Variants in INVS observed in about 807,000 individuals in gnomAD.
The protein encoded by INVS is inversin.
Under a neutral mutation model 108.8 loss-of-function variants are expected in INVS, and 86 were observed. That is an observed-to-expected ratio of 0.79 (90% CI 0.66 to 0.95). The LOEUF (loss-of-function observed/expected upper bound fraction) is 0.95. Ranked by LOEUF, INVS falls within the 40% of genes least tolerant of loss-of-function variation. The pLI is 0.00. For missense variants in INVS, 1,169 were observed against 1,297.4 expected, an observed-to-expected ratio of 0.90 and a Z score of 1.52; for synonymous variants, 455 against 473.5, an observed-to-expected ratio of 0.96 and a Z score of 0.51.
chr9:100,149,437 ACT>A (rs1427719529), intron 3 of INVS, among the ~76,000 whole-genome samples: 1 of 152,204 alleles, frequency 6.6e-6, no homozygotes, highest in African/African-American at 2.4e-5. Flanking sequence ...TAGCTAGGCT[ACT>A]TTCTCCAAGC....
intron 8 of INVS, 55 bp from the exon 9 acceptor site, chr9:100,252,228 T>G: frequency 6.5e-7 from 1 of 1,536,480 alleles, no homozygotes; most frequent in East Asian, 2.2e-5. Flanking sequence ...TATAATAATT[T>G]AAAAGGTGAA....
intron 12 of INVS, among the ~76,000 whole-genome samples, chr9:100,277,371 A>T (rs1833145274): frequency 1.3e-5 from 2 of 152,264 alleles, no homozygotes; most frequent in Middle Eastern, 3.4e-3. Flanking sequence ...CATGTGTCTG[A>T]CTCATCTGCT....
At chr9:100,121,052 A>C (rs1300346012) in intron 2 of INVS, among the ~76,000 whole-genome samples, 1 of 152,186 alleles carries the variant, frequency 6.6e-6, no homozygotes, top group African/African-American at 2.4e-5. Context: ...GTGATGAACA[A>C]GTTGACTACA....
intron 3 of INVS, among the ~76,000 whole-genome samples, chr9:100,190,849 G>A (rs1404111212): frequency 3.3e-5 from 5 of 151,380 alleles, no homozygotes; most frequent in African/African-American, 1.2e-4. Flanking sequence ...CCTTGGTGAT[G>A]TCCTTTTTGT....
intron 3 of INVS, among the ~76,000 whole-genome samples, chr9:100,216,038 C>T (rs1408945863): frequency 1.3e-5 from 2 of 152,152 alleles, no homozygotes; most frequent in Non-Finnish European, 2.9e-5. Context: ...CAGACTTGTT[C>T]AGCGACTTGA....
Position 100,301,339 on chromosome 9 carries a change from T to C in INVS, c.*665T>C, listed in dbSNP as rs1211070632. ...TACGTTAGCCTCTCAAGGCCACAAG[T>C]TGCCGCCACGTCTTCACTGAATGGC... On this transcript the variant is annotated 3_prime_UTR_variant, in exon 17 of 17. Coordinates refer to ENST00000262457, the MANE Select transcript of INVS (RefSeq NM_014425.5). Among the ~76,000 whole-genome samples, 7 of 152,170 alleles carry C rather than the reference T, an allele frequency of 4.6e-5. No individual in the cohort carries two copies. Among genetic ancestry groups the C allele is most frequent in the Non-Finnish European group, 8.8e-5 (6 of 68,038 alleles).
chr9:100,164,387 G>A (rs1247697579), intron 3 of INVS, among the ~76,000 whole-genome samples: 1 of 151,038 alleles, frequency 6.6e-6, no homozygotes, highest in South Asian at 2.1e-4. Context: ...GAAAGGAAGA[G>A]TCAATGACTT....
rs538590942 is a variant in INVS, at chr9:100,188,319, T to C, written c.274-37743T>C. Among the ~76,000 whole-genome samples, 10 of 152,340 alleles carry C rather than the reference T, an allele frequency of 6.6e-5. No individual in the cohort carries two copies. In the East Asian group the frequency reaches 1.5e-3, roughly 23 times the overall value. ...TAAGATATTGGTTGTGGGTTTGTCA[T>C]ATGTGGCTTCCTTCTATACTTAGAC... On this transcript the variant is annotated intron_variant, in intron 3 of 16. Coordinates refer to ENST00000262457, the MANE Select transcript of INVS (RefSeq NM_014425.5).
intron 3 of INVS, among the ~76,000 whole-genome samples, chr9:100,155,840 A>T (rs1394620728): frequency 2.0e-5 from 3 of 152,262 alleles, no homozygotes; most frequent in African/African-American, 4.8e-5. Context: ...TGTCAATTTC[A>T]TTAGTAACCA....
intron 10 of INVS, among the ~76,000 whole-genome samples, chr9:100,259,146 G>T (rs1832525405): frequency 6.6e-6 from 1 of 152,170 alleles, no homozygotes. Flanking sequence ...CAGCCTCGCT[G>T]CTGCCTTGCA....
At chr9:100,257,119 A>C (rs1360432716) in intron 10 of INVS, among the ~76,000 whole-genome samples, 3 of 152,172 alleles carry the variant, frequency 2.0e-5, no homozygotes, top group African/African-American at 7.2e-5. Flanking sequence ...TATATTTAGG[A>C]TAGTTAGCTC....
intron 5 of INVS, among the ~76,000 whole-genome samples, chr9:100,230,058 G>A (rs563244834): frequency 9.9e-4 from 151 of 152,060 alleles, no homozygotes; most frequent in Non-Finnish European, 1.3e-3. Flanking sequence ...CCCCTACGCC[G>A]TGCTCATTCC....
chr9:100,266,016 T>G (rs1371349125), intron 11 of INVS, among the ~76,000 whole-genome samples: 1 of 151,912 alleles, frequency 6.6e-6, no homozygotes, highest in Non-Finnish European at 1.5e-5. Flanking sequence ...GAGGCGGAGG[T>G]TGCAGTGAGC....
chr9:100,255,192 G>A (rs1452492607), intron 10 of INVS, among the ~76,000 whole-genome samples: 2 of 152,132 alleles, frequency 1.3e-5, no homozygotes, highest in East Asian at 1.9e-4. Context: ...GCGAATGGGA[G>A]TTCACTCATG....
intron 13 of INVS, among the ~76,000 whole-genome samples, chr9:100,291,342 G>T (rs1024064829): frequency 1.3e-5 from 2 of 152,176 alleles, no homozygotes; most frequent in African/African-American, 4.8e-5. Flanking sequence ...TTACAGGCAT[G>T]AGCCACCGTG....
intron 2 of INVS, chr9:100,116,672 A>G: frequency 2.4e-6 from 1 of 417,292 alleles, no homozygotes; most frequent in East Asian, 4.1e-5. Flanking sequence ...AATTGCTTCT[A>G]AAAGTTTTAT....
chr9:100,102,628 C>T (rs943024104), intron 1 of INVS: 1 of 152,236 alleles, frequency 6.6e-6, no homozygotes, highest in Non-Finnish European at 1.5e-5. Flanking sequence ...TCGCTTAACT[C>T]AGGAGTTTCA....
chr9:100,238,316 T>C (rs1353313739), intron 5 of INVS, among the ~76,000 whole-genome samples: 2 of 152,250 alleles, frequency 1.3e-5, no homozygotes, highest in African/African-American at 4.8e-5. Flanking sequence ...ATTATTGCTC[T>C]TAAGGAGTCT....
intron 2 of INVS, among the ~76,000 whole-genome samples, chr9:100,118,491 G>A (rs974051251): frequency 3.3e-5 from 5 of 152,052 alleles, no homozygotes; most frequent in African/African-American, 7.2e-5. Flanking sequence ...TTACAGGCAT[G>A]AGCCACCACA....
Sources: gnomAD v4.1 joint callset for allele counts (sites outside exome capture counted in the v4.1 genomes callset) on GRCh38, gnomAD v4.1.1 for gene constraint, MANE v1.5 for transcripts, NCBI Gene and HGNC (gene_info 2026-07-23, HGNC 2026-07-21) for gene names.